Variants in NDUFA10 observed in about 807,000 individuals in gnomAD.
NDUFA10 encodes NADH dehydrogenase [ubiquinone] 1 alpha subcomplex subunit 10, mitochondrial.
A neutral mutation model predicts 47.8 loss-of-function variants in NDUFA10; 40 were observed. The ratio of observed to expected loss-of-function variants is 0.84; its 90% confidence interval spans 0.65 to 1.09. The LOEUF is 1.09. NDUFA10 is among the 50% of genes least tolerant of loss of function. The probability of loss-of-function intolerance (pLI) is 0.00; values close to 1 mark genes in which losing one functional copy is unlikely to be tolerated. For synonymous variants in NDUFA10, 183 were observed against 172.2 expected (o/e 1.06, Z -0.49); for missense variants, 413 against 451.1 (o/e 0.92, Z 0.76).
chr2:239,988,245 A>T (rs985512188), intron 9 of NDUFA10, among the ~76,000 whole-genome samples: 1 of 152,244 alleles, frequency 6.6e-6, no homozygotes, highest in Admixed American at 6.5e-5. Context: ...TTCAGATGCT[A>T]CATAAATATT....
intron 4 of NDUFA10, among the ~76,000 whole-genome samples, chr2:239,933,548 G>A (rs917466273): frequency 6.0e-5 from 9 of 149,290 alleles, no homozygotes; most frequent in Non-Finnish European, 1.2e-4. Flanking sequence ...ACGGAATCTC[G>A]CTCTGTCACC....
Position 239,901,881 on chromosome 2 carries a change from A to C in NDUFA10, c.295-6567T>G, listed in dbSNP as rs77551869. ...CAGTGGAGGAAGCAACTGCAGATGT[A>C]GTGGAAATGACAAGGGAGCTAGAAT... On this transcript the variant is annotated intron_variant, in intron 4 of 5. Coordinates refer to the NDUFA10 transcript ENST00000419408. Among the ~76,000 whole-genome samples, 1,518 of 152,230 alleles carry C rather than the reference A, an allele frequency of 1.0e-2. 25 individuals are homozygous for C. The highest frequency in any genetic ancestry group is 0.034 in the African/African-American group (1,425 of 41,526).
At chr2:239,921,158 G>A (rs983113200) in intron 4 of NDUFA10, among the ~76,000 whole-genome samples, 1 of 152,126 alleles carries the variant, frequency 6.6e-6, no homozygotes, top group Non-Finnish European at 1.5e-5. Context: ...ACAACCTGCA[G>A]GAACCGGGGC....
At chr2:239,924,276 TAG>T (rs1694035462) in intron 4 of NDUFA10, among the ~76,000 whole-genome samples, 1 of 152,094 alleles carries the variant, frequency 6.6e-6, no homozygotes, top group South Asian at 2.1e-4. Flanking sequence ...TTCATGAACT[TAG>T]ATACAAACAT....
chr2:239,960,963 C>T lies in NDUFA10; in HGVS notation c.*155G>A, dbSNP rs1694829979. ...TCCCCCAACTCCATTACCTATACTA[C>T]AGGATGGATTGCTTTTTGTGAGACC... On this transcript the variant is annotated 3_prime_UTR_variant, in exon 10 of 10. Coordinates refer to ENST00000252711, the MANE Select transcript of NDUFA10 (RefSeq NM_004544.4). The T allele has an allele frequency of 3.3e-6, 5 of 1,533,580 alleles. No individual in the cohort carries two copies. In the South Asian group the frequency reaches 6.0e-5, roughly 19 times the overall value. The allele number at this position is 1,533,580 out of a possible 1,614,324, so 95.0% of individuals were successfully genotyped here. A position where few individuals can be genotyped will look rare whatever the true frequency, so the allele number is the denominator to read the frequency against.
chr2:239,943,087 C>T (rs1462191198), intron 4 of NDUFA10: 3 of 153,978 alleles, frequency 1.9e-5, no homozygotes, highest in African/African-American at 7.3e-5. Flanking sequence ...TGGTCTCAGG[C>T]CATGCCCACA....
intron 4 of NDUFA10, among the ~76,000 whole-genome samples, chr2:239,949,797 G>A (rs900214780): frequency 6.6e-6 from 1 of 152,150 alleles, no homozygotes; most frequent in African/African-American, 2.4e-5. Flanking sequence ...CTGTTGAGGT[G>A]GGACATTGGT....
chr2:239,996,809 CTTT>C (rs112180218), intron 8 of NDUFA10, among the ~76,000 whole-genome samples: 4 of 144,126 alleles, frequency 2.8e-5, no homozygotes, highest in Admixed American at 7.0e-5. Flanking sequence ...GTTTTTTTGC[CTTT>C]TTTTTTTTTT....
intron 9 of NDUFA10, chr2:239,976,697 G>C (rs1451728595): frequency 6.6e-6 from 1 of 152,286 alleles, no homozygotes; most frequent in Non-Finnish European, 1.5e-5. Flanking sequence ...CCCGCCGACA[G>C]GCTGAACAGC....
Position 239,960,063 on chromosome 2 carries a change from C to T in NDUFA10, c.*1055G>A. The T allele has an allele frequency of 1.0e-6, 1 of 985,148 alleles. No homozygotes were observed. The highest frequency in any genetic ancestry group is 1.2e-6 in the Non-Finnish European group (1 of 829,706). 61.0% of individuals were successfully genotyped at this position (985,148 alleles called of 1,614,324 possible). On this transcript the variant is annotated 3_prime_UTR_variant, in exon 10 of 10. Transcript: ENST00000252711. ...AATTTTAAACTCTATTACATTTTAG[C>T]TCATTTAAATTTCAATACCCACATG...
chr2:239,911,267 C>G (rs550280132), intron 4 of NDUFA10, among the ~76,000 whole-genome samples: 1 of 152,120 alleles, frequency 6.6e-6, no homozygotes, highest in Non-Finnish European at 1.5e-5. Flanking sequence ...AGGACTATCC[C>G]AGCCCCTAGG....
At chr2:239,966,225 C>T (rs1695052808) in intron 9 of NDUFA10, among the ~76,000 whole-genome samples, 1 of 152,176 alleles carries the variant, frequency 6.6e-6, no homozygotes, top group African/African-American at 2.4e-5. Flanking sequence ...CCTGGGCTGA[C>T]TCAGTGTACA....
chr2:239,958,808 G>A lies in NDUFA10; in HGVS notation c.*2310C>T, dbSNP rs1694731734. On this transcript the variant is annotated 3_prime_UTR_variant, in exon 10 of 10. Coordinates refer to ENST00000252711, the MANE Select transcript of NDUFA10 (RefSeq NM_004544.4). ...AGAATTCTCATGCCTGTAAACACATGCCTGTATGAATAAAATCCAGACACA... is the reference window on the plus strand; with the variant it reads ...AGAATTCTCATGCCTGTAAACACATACCTGTATGAATAAAATCCAGACACA... 1 of 393,378 alleles carries A rather than the reference G, an allele frequency of 2.5e-6. No individual in the cohort carries two copies. The highest frequency in any genetic ancestry group is 2.2e-5 in the African/African-American group (1 of 45,638). 24.4% of individuals were successfully genotyped at this position (393,378 alleles called of 1,614,324 possible).
At position 239,897,411 on chromosome 2, in the gene NDUFA10, GA is replaced by G. The variant is rs143906189; in HGVS notation, c.295-2098del. Among the ~76,000 whole-genome samples, 13 of 149,658 alleles carry G rather than the reference GA, an allele frequency of 8.7e-5. No homozygotes were observed. In the South Asian group the frequency reaches 1.5e-3, roughly 17 times the overall value. ...TTTAGATCATACTTTTTCTTGAAGTGAAAAAAAAAATTAACATGCACGTACC... is the reference window on the plus strand; with the variant it reads ...TTTAGATCATACTTTTTCTTGAAGTGAAAAAAAAATTAACATGCACGTACC... On this transcript the variant is annotated intron_variant, in intron 4 of 5. Transcript: ENST00000419408.
rs540881724 is a variant in NDUFA10, at chr2:239,910,959, G to A, written c.295-15645C>T. On this transcript the variant is annotated intron_variant, in intron 4 of 5. Coordinates refer to the NDUFA10 transcript ENST00000419408. ...CAGAGAGTCCTATTTCCAAGTGCCC[G>A]GCAGAGAGGAGGCTGCAGCCCAGCC... Among the ~76,000 whole-genome samples the A allele has an allele frequency of 3.5e-4, 54 of 152,308 alleles. No homozygotes were observed. In the South Asian group the frequency reaches 9.1e-3, roughly 26 times the overall value.
intron 4 of NDUFA10, among the ~76,000 whole-genome samples, chr2:239,934,311 T>TG (rs915883348): frequency 2.6e-5 from 4 of 151,760 alleles, no homozygotes; most frequent in Non-Finnish European, 4.4e-5. Flanking sequence ...TGGGAGGGAG[T>TG]GGGGGGCAGG....
At chr2:239,926,669 T>G (rs1403852201) in intron 4 of NDUFA10, among the ~76,000 whole-genome samples, 7 of 152,154 alleles carry the variant, frequency 4.6e-5, no homozygotes, top group African/African-American at 1.7e-4. Context: ...CAGGAGGTAT[T>G]CAGAAGAAGG....
intron 3 of NDUFA10, among the ~76,000 whole-genome samples, chr2:240,019,537 G>GTAAGCCTGGATGTCAGT (rs373851974): frequency 2.0e-5 from 2 of 99,574 alleles, no homozygotes; most frequent in Admixed American, 1.0e-4. Context: ...AGAACGTGGA[G>GTAAGCCTGGATGTCAGT]GCCGGGCGCG....
intron 8 of NDUFA10, among the ~76,000 whole-genome samples, chr2:239,999,921 A>T (rs1455930154): frequency 6.6e-6 from 1 of 152,208 alleles, no homozygotes. Context: ...TCACATATAC[A>T]ATGTGGTCCT....
Sources: allele counts gnomAD v4.1 joint callset (sites outside exome capture counted in the v4.1 genomes callset), GRCh38; gene constraint gnomAD v4.1.1; transcripts MANE v1.5; gene names NCBI Gene and HGNC (gene_info 2026-07-23, HGNC 2026-07-21).